Variants in PHF14 observed in about 807,000 individuals in gnomAD.
PHF14 encodes the protein PHD finger protein 14.
A neutral mutation model predicts 117.9 loss-of-function variants in PHF14; 55 were observed. That is an observed-to-expected ratio of 0.47 (90% CI 0.38 to 0.58). The LOEUF (loss-of-function observed/expected upper bound fraction) is 0.58, where lower values mean the gene tolerates loss of function less well. PHF14 is among the 20% of genes least tolerant of loss of function. The pLI is 0.00. For missense variants in PHF14, 978 were observed against 1,122.2 expected (o/e 0.87, Z 1.84); for synonymous variants, 409 against 368.6 (o/e 1.11, Z -1.26).
chr7:11,123,090 A>T (rs547574766), intron 17 of PHF14, among the ~76,000 whole-genome samples: 1 of 152,008 alleles, frequency 6.6e-6, no homozygotes, highest in East Asian at 1.9e-4. Flanking sequence ...TTTTTTTGAT[A>T]GGCTTCTCTA....
chr7:11,096,350 C>CA (rs1319337750), intron 16 of PHF14, among the ~76,000 whole-genome samples: 1 of 152,136 alleles, frequency 6.6e-6, no homozygotes, highest in Admixed American at 6.6e-5. Context: ...ACAGACCTGA[C>CA]AATTTCACTT....
chr7:11,055,424 G>A (rs1011989318), intron 14 of PHF14, among the ~76,000 whole-genome samples: 5 of 152,016 alleles, frequency 3.3e-5, no homozygotes, highest in Admixed American at 2.0e-4. Context: ...TTACACACAC[G>A]CATGCATCAT....
intron 16 of PHF14, among the ~76,000 whole-genome samples, chr7:11,089,145 C>G (rs1329492846): frequency 6.6e-6 from 1 of 151,222 alleles, no homozygotes; most frequent in Admixed American, 6.6e-5. Context: ...AAATAAAAAC[C>G]TAAGACAAAC....
At chr7:11,071,410 T>C in intron 16 of PHF14, 1 of 362,048 alleles carries the variant, frequency 2.8e-6, no homozygotes. Context: ...AAGCCAGTTT[T>C]CCAGTTGCAT....
chr7:10,987,963 C>T (rs1193128608), intron 3 of PHF14, among the ~76,000 whole-genome samples: 2 of 145,538 alleles, frequency 1.4e-5, no homozygotes, highest in Non-Finnish European at 3.0e-5. Flanking sequence ...TTGCGGTGAG[C>T]CGAGATCCCA....
chr7:11,078,920 A>G (rs934599945), intron 16 of PHF14, among the ~76,000 whole-genome samples: 1 of 152,116 alleles, frequency 6.6e-6, no homozygotes, highest in African/African-American at 2.4e-5. Context: ...ATTAATATGA[A>G]TTATATTATC....
chr7:11,033,883 A>G (rs1243436033), intron 7 of PHF14, among the ~76,000 whole-genome samples: 1 of 152,178 alleles, frequency 6.6e-6, no homozygotes, highest in Non-Finnish European at 1.5e-5. Context: ...GTATGTGTTA[A>G]TGTAGTCTCC....
intron 16 of PHF14, among the ~76,000 whole-genome samples, chr7:11,100,676 C>G (rs1017341956): frequency 7.9e-5 from 12 of 151,842 alleles, no homozygotes; most frequent in Non-Finnish European, 1.3e-4. Flanking sequence ...ATTTAATCCT[C>G]ATAACAACTG....
At position 11,022,858 on chromosome 7, in the gene PHF14, CTCT is replaced by C. The variant is rs778497458; in HGVS notation, c.1206-5_1206-3del. ...AGATTTGATAGCAAAATCATATCTT[CTCT>C]TCTTAGATGGGTTCATATTGTTTGT... On this transcript the variant is annotated splice_region_variant and splice_polypyrimidine_tract_variant and intron_variant, in intron 5 of 17. Transcript: ENST00000634607. 6.8e-7 allele frequency: 1 copy of C among 1,473,086 alleles called. No homozygotes were observed. Among genetic ancestry groups the C allele is most frequent in the Non-Finnish European group, 9.3e-7 (1 of 1,075,572 alleles). 91.3% of individuals were successfully genotyped at this position (1,473,086 alleles called of 1,614,324 possible). A position where few individuals can be genotyped will look rare whatever the true frequency, so the allele number is the denominator to read the frequency against.
At chr7:11,015,592 AT>A (rs1301733058) in intron 5 of PHF14, among the ~76,000 whole-genome samples, 1 of 151,940 alleles carries the variant, frequency 6.6e-6, no homozygotes, top group Non-Finnish European at 1.5e-5. Flanking sequence ...AATAGCTATA[AT>A]TTTAGGCAAG....
chr7:11,005,787 C>G (rs889853539), intron 4 of PHF14, among the ~76,000 whole-genome samples: 13 of 84,470 alleles, frequency 1.5e-4, no homozygotes, highest in Admixed American at 4.8e-4. Flanking sequence ...AGTAAAAATT[C>G]TTTTTTTTTT....
chr7:11,046,836 G>A (rs776362005), intron 13 of PHF14, among the ~76,000 whole-genome samples: 3 of 151,548 alleles, frequency 2.0e-5, no homozygotes, highest in Non-Finnish European at 4.4e-5. Context: ...CTAAATACAG[G>A]AGAAAACATG....
chr7:10,982,311 T>A, intron 2 of PHF14, 61 bp from the exon 3 acceptor site: 1 of 1,049,134 alleles, frequency 9.5e-7, no homozygotes, highest in Non-Finnish European at 1.3e-6. Context: ...GTCAGCGTTG[T>A]GTGTGTGTGT....
chr7:11,054,665 A>G (rs1032463363), intron 14 of PHF14, among the ~76,000 whole-genome samples: 1 of 152,116 alleles, frequency 6.6e-6, no homozygotes, highest in Non-Finnish European at 1.5e-5. Flanking sequence ...TAATTATGAG[A>G]GACCAGGCAT....
rs1583317755 is a variant in PHF14, at chr7:10,974,184, C to T, written c.-140C>T. 1.3e-6 allele frequency: 1 copy of T among 747,150 alleles called. No homozygotes were observed. Among genetic ancestry groups the T allele is most frequent in the South Asian group, 1.5e-5 (1 of 65,172 alleles). 46.3% of individuals were successfully genotyped at this position (747,150 alleles called of 1,614,324 possible). A position where few individuals can be genotyped will look rare whatever the true frequency, so the allele number is the denominator to read the frequency against. On this transcript the variant is annotated 5_prime_UTR_variant, in exon 1 of 18. Transcript: ENST00000634607. ...CGCGGGGCTACTCTTGGGAGCGCCC[C>T]TGTCCGGCTGGCTGCGCGCCGGTTT...
chr7:11,118,466 G>A lies in PHF14; in HGVS notation c.2772+6999G>A, dbSNP rs1481546316. On this transcript the variant is annotated intron_variant, in intron 17 of 17. Coordinates refer to ENST00000634607, the MANE Select transcript of PHF14 (RefSeq NM_001007157.2). ...TTTCTAATTGAGTGCTGTACTTTGGGACTATTAATAATTATTTGCTTAACA... is the reference window on the plus strand; with the variant it reads ...TTTCTAATTGAGTGCTGTACTTTGGAACTATTAATAATTATTTGCTTAACA... Among the ~76,000 whole-genome samples the A allele has an allele frequency of 4.0e-5, 6 of 151,596 alleles. No homozygotes were observed. In the East Asian group the frequency reaches 9.6e-4, roughly 24 times the overall value.
intron 16 of PHF14, among the ~76,000 whole-genome samples, chr7:11,073,512 A>G (rs116836332): frequency 0.013 from 1,928 of 152,292 alleles, 39 homozygotes; most frequent in African/African-American, 0.044. Flanking sequence ...GCTTTCCAGG[A>G]TTCAGCCCCC....
chr7:11,067,791 A>G (rs1785472708), intron 16 of PHF14, among the ~76,000 whole-genome samples: 1 of 152,150 alleles, frequency 6.6e-6, no homozygotes, highest in African/African-American at 2.4e-5. Context: ...AACTGGTATG[A>G]TCAGGGATCA....
At chr7:10,977,708 G>A (rs942192583) in intron 2 of PHF14, among the ~76,000 whole-genome samples, 21 of 152,176 alleles carry the variant, frequency 1.4e-4, no homozygotes, top group African/African-American at 4.8e-4. Context: ...CCTAAAATAG[G>A]ATATATATGC....
Sources: gnomAD v4.1 joint callset for allele counts (sites outside exome capture counted in the v4.1 genomes callset) on GRCh38, gnomAD v4.1.1 for gene constraint, MANE v1.5 for transcripts, NCBI Gene and HGNC (gene_info 2026-07-23, HGNC 2026-07-21) for gene names.